UGGT2: variants seen among roughly 807,000 people sequenced by gnomAD.
The protein encoded by UGGT2 is UDP-glucose glycoprotein glucosyltransferase 2, also known as UDP-glucose:glycoprotein glucosyltransferase 2.
A neutral mutation model predicts 192.1 loss-of-function variants in UGGT2; 180 were observed. The observed-to-expected ratio is 0.94, with a 90% CI of 0.83 to 1.06. The LOEUF (loss-of-function observed/expected upper bound fraction) is 1.06. Among genes scored for constraint, UGGT2 ranks in the 50% least tolerant of loss-of-function variants. The probability of loss-of-function intolerance (pLI) is 0.00; values close to 1 mark genes in which losing one functional copy is unlikely to be tolerated. For synonymous variants in UGGT2, 580 were observed against 591.0 expected, an observed-to-expected ratio of 0.98 and a Z score of 0.27; for missense variants, 1,849 against 1,795.7, an observed-to-expected ratio of 1.03 and a Z score of -0.54.
At chr13:95,847,061 CT>C (rs71113956) in intron 36 of UGGT2, among the ~76,000 whole-genome samples, 43,120 of 97,160 alleles carry the variant, frequency 0.44, 6,836 homozygotes, top group Non-Finnish European at 0.54. Context: ...CTTTTCTTTT[CT>C]TTTTTTTTTT....
intron 1 of UGGT2, among the ~76,000 whole-genome samples, chr13:96,051,266 G>A (rs893821222): frequency 8.5e-5 from 13 of 152,112 alleles, no homozygotes; most frequent in African/African-American, 3.1e-4. Flanking sequence ...CTCACTCATA[G>A]GTGGGAACTG....
intron 36 of UGGT2, among the ~76,000 whole-genome samples, chr13:95,852,272 G>C (rs1331792493): frequency 6.6e-6 from 1 of 151,874 alleles, no homozygotes; most frequent in African/African-American, 2.4e-5. Context: ...TGACTTTCTT[G>C]CTATTCCTCA....
At chr13:96,043,773 G>A (rs2053230208) in intron 1 of UGGT2, among the ~76,000 whole-genome samples, 1 of 151,696 alleles carries the variant, frequency 6.6e-6, no homozygotes, top group Non-Finnish European at 1.5e-5. Context: ...AGACAAAGAG[G>A]GACATTATAT....
chr13:95,806,869 A>T (rs2139730764), intron 38 of UGGT2, among the ~76,000 whole-genome samples: 1 of 152,332 alleles, frequency 6.6e-6, no homozygotes, highest in South Asian at 2.1e-4. Flanking sequence ...ACTTCATATC[A>T]TATTTAAAAA....
chr13:95,868,101 G>A (rs1890845294), intron 29 of UGGT2, among the ~76,000 whole-genome samples: 1 of 152,168 alleles, frequency 6.6e-6, no homozygotes, highest in African/African-American at 2.4e-5. Flanking sequence ...TGAAGGGGAA[G>A]CAATCAGATG....
chr13:95,927,374 A>ATTTTTTT, intron 17 of UGGT2, 38 bp from the exon 18 acceptor site: 2 of 1,527,770 alleles, frequency 1.3e-6, no homozygotes, highest in Middle Eastern at 2.4e-4. Context: ...AATACAGGCA[A>ATTTTTTT]TTTATATCCA....
At chr13:95,964,284 G>A (rs560638058) in intron 12 of UGGT2, among the ~76,000 whole-genome samples, 2 of 152,242 alleles carry the variant, frequency 1.3e-5, no homozygotes, top group South Asian at 2.1e-4. Context: ...AATGAAGCTA[G>A]ACCACCATCA....
At chr13:96,011,166 T>C (rs769755408) in intron 5 of UGGT2, among the ~76,000 whole-genome samples, 1 of 152,108 alleles carries the variant, frequency 6.6e-6, no homozygotes, top group Non-Finnish European at 1.5e-5. Context: ...AAAATCTGAA[T>C]GACCTTGAGA....
intron 37 of UGGT2, 70 bp from the exon 38 acceptor site, chr13:95,833,123 C>T (rs1217999020): frequency 5.3e-6 from 8 of 1,519,766 alleles, no homozygotes; most frequent in Non-Finnish European, 7.1e-6. Flanking sequence ...TGCTGTGTCA[C>T]TAGGGCAAAC....
intron 20 of UGGT2, among the ~76,000 whole-genome samples, chr13:95,923,580 C>T (rs773008703): frequency 2.0e-5 from 3 of 151,964 alleles, no homozygotes; most frequent in Non-Finnish European, 4.4e-5. Context: ...ATAAACTATT[C>T]TCAGAGGTAA....
chr13:95,825,371 C>T (rs1337645153), intron 38 of UGGT2, among the ~76,000 whole-genome samples: 1 of 152,132 alleles, frequency 6.6e-6, no homozygotes, highest in Non-Finnish European at 1.5e-5. Flanking sequence ...ATTAGATGCA[C>T]TGATGTCTTA....
chr13:95,932,309 A>AC (rs2049310472), intron 17 of UGGT2, among the ~76,000 whole-genome samples: 1 of 62,172 alleles, frequency 1.6e-5, no homozygotes, highest in Non-Finnish European at 3.2e-5. Flanking sequence ...TAGGTATTTT[A>AC]TTTGTGTGTG....
intron 17 of UGGT2, among the ~76,000 whole-genome samples, chr13:95,934,962 T>C (rs1020458245): frequency 6.6e-6 from 1 of 152,216 alleles, no homozygotes; most frequent in African/African-American, 2.4e-5. Context: ...GGTGCATATA[T>C]ATTTGGGACA....
intron 37 of UGGT2, among the ~76,000 whole-genome samples, chr13:95,834,634 C>G (rs1055387770): frequency 6.6e-6 from 1 of 152,154 alleles, no homozygotes; most frequent in Admixed American, 6.5e-5. Flanking sequence ...AGCATGTTCT[C>G]TCATTCTACT....
chr13:95,997,453 G>A (rs2051660433), intron 6 of UGGT2, among the ~76,000 whole-genome samples: 1 of 152,004 alleles, frequency 6.6e-6, no homozygotes, highest in Admixed American at 6.5e-5. Context: ...TACCAGCCTG[G>A]CCAACATGGT....
Position 95,867,411 on chromosome 13 carries a change from A to G in UGGT2, c.3486T>C (p.Thr1162=), listed in dbSNP as rs766432687. The G allele has an allele frequency of 3.1e-6, 5 of 1,605,382 alleles. No individual in the cohort carries two copies. The highest frequency in any genetic ancestry group is 4.2e-6 in the Non-Finnish European group (5 of 1,177,292). ...DIYQIVGHEG[T]DSQADLEDII... ...TATCTTCTAGGTCTGCTTGAGAGTC[A>G]GTTCCTTCATGCCTAAAAGTAGAAA... Residue 1162 remains threonine, a synonymous_variant, in exon 30 of 39, where the codon ACT becomes ACC. Coordinates refer to ENST00000376747, the MANE Select transcript of UGGT2 (RefSeq NM_020121.4).
intron 8 of UGGT2, among the ~76,000 whole-genome samples, chr13:95,987,091 G>A (rs1042841932): frequency 6.6e-6 from 1 of 151,960 alleles, no homozygotes; most frequent in East Asian, 1.9e-4. Flanking sequence ...TTCTCCTTTA[G>A]CTTAAGGACA....
At chr13:95,883,561 G>A (rs1226040456) in intron 27 of UGGT2, among the ~76,000 whole-genome samples, 1 of 152,066 alleles carries the variant, frequency 6.6e-6, no homozygotes, top group African/African-American at 2.4e-5. Flanking sequence ...TGTTCTCATG[G>A]TAGTGAATAC....
intron 1 of UGGT2, among the ~76,000 whole-genome samples, chr13:96,046,048 A>G (rs551288729): frequency 6.6e-6 from 1 of 152,366 alleles, no homozygotes; most frequent in South Asian, 2.1e-4. Context: ...AGCAAAAAGA[A>G]TAAATCTGGA....
Sources: gnomAD v4.1 joint callset for allele counts (sites outside exome capture counted in the v4.1 genomes callset) on GRCh38, gnomAD v4.1.1 for gene constraint, MANE v1.5 for transcripts, NCBI Gene and HGNC (gene_info 2026-07-23, HGNC 2026-07-21) for gene names.